TMCC1: variants seen among roughly 807,000 people sequenced by gnomAD.
TMCC1 encodes transmembrane and coiled-coil domain family 1.
A neutral mutation model predicts 52.4 loss-of-function variants in TMCC1; 15 were observed. The ratio of observed to expected loss-of-function variants is 0.29; its 90% CI spans 0.19 to 0.44. The LOEUF is 0.44. TMCC1 is among the 20% of genes least tolerant of loss of function. The probability of loss-of-function intolerance (pLI) is 1.00; values close to 1 mark genes in which losing one functional copy is unlikely to be tolerated. For missense variants in TMCC1, 503 were observed against 806.0 expected (o/e 0.62, Z 4.55); for synonymous variants, 279 against 301.9 (o/e 0.92, Z 0.79).
intron 4 of TMCC1, among the ~76,000 whole-genome samples, chr3:129,728,443 G>A (rs145492371): frequency 1.8e-4 from 28 of 152,046 alleles, no homozygotes; most frequent in Non-Finnish European, 2.4e-4. Context: ...CGGCCACCAC[G>A]CCCAGCTAAT....
At chr3:129,850,961 G>A (rs2059891298) in intron 2 of TMCC1, among the ~76,000 whole-genome samples, 1 of 152,180 alleles carries the variant, frequency 6.6e-6, no homozygotes, top group Non-Finnish European at 1.5e-5. Flanking sequence ...GCCTTGGGTG[G>A]GCCAGGTGTT....
chr3:129,694,847 T>G (rs568009168), intron 4 of TMCC1, among the ~76,000 whole-genome samples: 1 of 152,232 alleles, frequency 6.6e-6, no homozygotes, highest in East Asian at 1.9e-4. Context: ...CCTAATAAAC[T>G]TGTTTTTACT....
rs370162478 is a variant in TMCC1 at position 129,739,657 on chromosome 3, T to C, written c.577-68393A>G. On this transcript the variant is annotated intron_variant, in intron 4 of 6. Coordinates refer to ENST00000393238, the MANE Select transcript of TMCC1 (RefSeq NM_001017395.5). ...GCATATTATTACCAAATATTAAGTA[T>C]CTAATCTCCATTTTTGTCACAAGTT... 9.2e-5 allele frequency among the ~76,000 whole-genome samples: 14 copies of C among 152,286 alleles called. No homozygotes were observed. In the East Asian group the frequency reaches 1.9e-3, roughly 21 times the overall value.
chr3:129,875,202 A>T (rs2061135205), intron 2 of TMCC1, among the ~76,000 whole-genome samples: 2 of 151,838 alleles, frequency 1.3e-5, no homozygotes, highest in South Asian at 4.2e-4. Flanking sequence ...AAAAAAAAAA[A>T]AAATGGCCAG....
intron 4 of TMCC1, among the ~76,000 whole-genome samples, chr3:129,743,006 AT>A (rs1463684610): frequency 6.6e-6 from 1 of 152,174 alleles, no homozygotes; most frequent in African/African-American, 2.4e-5. Flanking sequence ...TAGAAAATAG[AT>A]TAGTAATTGC....
chr3:129,795,508 T>A (rs2107759419), intron 4 of TMCC1, among the ~76,000 whole-genome samples: 1 of 152,354 alleles, frequency 6.6e-6, no homozygotes, highest in Admixed American at 6.5e-5. Context: ...AGCAAAGTTA[T>A]GTCATATGCT....
chr3:129,739,760 AT>A (rs1490047787), intron 4 of TMCC1, among the ~76,000 whole-genome samples: 4 of 152,244 alleles, frequency 2.6e-5, no homozygotes, highest in East Asian at 1.9e-4. Flanking sequence ...CAGCCTAAAA[AT>A]TTTTTTCCCC....
intron 2 of TMCC1, among the ~76,000 whole-genome samples, chr3:129,837,927 A>C (rs944087318): frequency 3.3e-5 from 5 of 152,224 alleles, no homozygotes; most frequent in African/African-American, 1.2e-4. Context: ...AGAATCAGTA[A>C]ACTTGAAAAT....
At chr3:129,818,851 A>T (rs2058262915) in intron 4 of TMCC1, 1 of 152,450 alleles carries the variant, frequency 6.6e-6, no homozygotes, top group Non-Finnish European at 1.5e-5. Context: ...GAGGTGCTGA[A>T]GCACATGGTA....
chr3:129,825,643 A>G (rs1016205428), intron 4 of TMCC1, among the ~76,000 whole-genome samples: 23 of 152,114 alleles, frequency 1.5e-4, no homozygotes, highest in Non-Finnish European at 2.8e-4. Context: ...TGAATCAACA[A>G]CAGTTGAAAA....
At chr3:129,824,955 A>G (rs962193123) in intron 4 of TMCC1, among the ~76,000 whole-genome samples, 3 of 152,154 alleles carry the variant, frequency 2.0e-5, no homozygotes, top group Non-Finnish European at 4.4e-5. Context: ...TTCCACAGTT[A>G]TCAATTCAGC....
chr3:129,665,286 G>C (rs2087359716), intron 5 of TMCC1, among the ~76,000 whole-genome samples: 1 of 152,204 alleles, frequency 6.6e-6, no homozygotes, highest in Non-Finnish European at 1.5e-5. Context: ...GGTGAAGAGA[G>C]AGAGACTGTG....
chr3:129,769,159 C>T lies in TMCC1; in HGVS notation c.576+58644G>A, dbSNP rs1041221067. On this transcript the variant is annotated intron_variant, in intron 4 of 6. Coordinates refer to ENST00000393238, the MANE Select transcript of TMCC1 (RefSeq NM_001017395.5). The stretch of plus-strand genomic sequence containing the variant: ...GCAAGCTTGTCCAACCCATTGCCAG[C>T]GGGCCGCACGTGGCCCAGGATGGCT... Among the ~76,000 whole-genome samples, 50 of 152,254 alleles carry T rather than the reference C, an allele frequency of 3.3e-4. 1 individual carries two copies. Among genetic ancestry groups the T allele is most frequent in the Admixed American group, 2.5e-3 (38 of 15,290 alleles).
intron 4 of TMCC1, among the ~76,000 whole-genome samples, chr3:129,732,000 T>C (rs1317513787): frequency 6.6e-6 from 1 of 152,226 alleles, no homozygotes; most frequent in Non-Finnish European, 1.5e-5. Flanking sequence ...TCACATGGAT[T>C]CAACATAGTA....
intron 4 of TMCC1, among the ~76,000 whole-genome samples, chr3:129,804,265 G>T (rs183859437): frequency 1.3e-5 from 2 of 152,046 alleles, no homozygotes; most frequent in Non-Finnish European, 2.9e-5. Flanking sequence ...AGTCTAACTC[G>T]CCTGATGGAA....
intron 4 of TMCC1, among the ~76,000 whole-genome samples, chr3:129,784,288 A>G (rs1252132877): frequency 6.6e-6 from 1 of 152,204 alleles, no homozygotes; most frequent in Admixed American, 6.5e-5. Context: ...AGGCAAAAAA[A>G]AAGTAATAGG....
Position 129,858,352 on chromosome 3 carries a change from T to C in TMCC1, c.-184+21957A>G, listed in dbSNP as rs180824069. Among the ~76,000 whole-genome samples the C allele has an allele frequency of 5.1e-5, 7 of 137,762 alleles. No homozygotes were observed. In the East Asian group the frequency reaches 1.5e-3, roughly 30 times the overall value. The allele number at this position is 137,762 out of a possible 152,430, so 90.4% of individuals were successfully genotyped here. A position where few individuals can be genotyped will look rare whatever the true frequency, so the allele number is the denominator to read the frequency against. On this transcript the variant is annotated intron_variant, in intron 2 of 6. Transcript: ENST00000393238. ...AATTACAGGAACCTTAAGGATCATT[T>C]CTACTATAATTTCCCATTTTACATT...
intron 4 of TMCC1, among the ~76,000 whole-genome samples, chr3:129,708,067 C>T (rs930849019): frequency 7.9e-5 from 12 of 151,918 alleles, no homozygotes; most frequent in Non-Finnish European, 1.8e-4. Flanking sequence ...TTGTCTTGCA[C>T]GTTGAGAGGA....
intron 1 of TMCC1, among the ~76,000 whole-genome samples, chr3:129,890,992 TA>T (rs1180190778): frequency 6.6e-6 from 1 of 152,162 alleles, no homozygotes; most frequent in Non-Finnish European, 1.5e-5. Context: ...AACAAAGACA[TA>T]AAATGTATTT....
Sources: gnomAD v4.1 joint callset for allele counts (sites outside exome capture counted in the v4.1 genomes callset) on GRCh38, gnomAD v4.1.1 for gene constraint, MANE v1.5 for transcripts, NCBI Gene and HGNC (gene_info 2026-07-23, HGNC 2026-07-21) for gene names.